COL12A1: variants seen among roughly 807,000 people sequenced by gnomAD.
COL12A1 encodes collagen alpha-1(XII) chain.
COL12A1 carries 114 observed loss-of-function variants against 349.7 expected under a neutral mutation model. The ratio of observed to expected loss-of-function variants is 0.33; its 90% CI spans 0.28 to 0.38. COL12A1 has a LOEUF of 0.38. COL12A1 is among the 10% of genes least tolerant of loss of function. The pLI is 1.00. For synonymous variants in COL12A1, 1,369 were observed against 1,329.0 expected (o/e 1.03, Z -0.66); for missense variants, 3,284 against 3,756.9 (o/e 0.87, Z 3.29).
chr6:75,138,179 A>C, intron 30 of COL12A1, 141 bp downstream of exon 30: 1 of 899,934 alleles, frequency 1.1e-6, no homozygotes. Context: ...TTTCAAGAAA[A>C]GCCTATGTAA....
chr6:75,106,900 T>TC (rs1768590381), intron 52 of COL12A1, among the ~76,000 whole-genome samples: 1 of 117,890 alleles, frequency 8.5e-6, no homozygotes, highest in Non-Finnish European at 1.8e-5. Flanking sequence ...TTTCTTTTTC[T>TC]TTTTTTTTTT....
intron 15 of COL12A1, 74 bp from the exon 16 acceptor site, chr6:75,155,928 C>A (rs555474691): frequency 2.9e-5 from 41 of 1,425,600 alleles, no homozygotes; most frequent in Non-Finnish European, 3.9e-5. Context: ...ATTAGCCCCA[C>A]AAAAATGCAT....
At position 75,177,825 on chromosome 6, in the gene COL12A1, G is replaced by T. The variant is rs141517088; in HGVS notation, c.2275C>A (p.Pro759Thr). ...TCTCTGCTCTCTCCACCAGCAACTG[G>T]TCTATATATAATTCGATATCTTAAA... ...RVLRYRIIYR[P>T]VAGGESREVT... Residue 759 changes from proline to threonine, a missense_variant, in exon 12 of 66, where the codon CCA becomes ACA. Physicochemically the swap from Pro to Thr is conservative, Grantham distance 38. This residue lies in a region of COL12A1 where 2,601 missense variants were observed against 2,824.8 expected (regional missense o/e 0.92). Coordinates refer to ENST00000322507, the MANE Select transcript of COL12A1 (RefSeq NM_004370.6). 1.2e-6 allele frequency: 2 copies of T among 1,614,026 alleles called. No individual in the cohort carries two copies. Among genetic ancestry groups the T allele is most frequent in the Admixed American group, 3.3e-5 (2 of 59,998 alleles).
chr6:75,125,588 C>T (rs1765972885), intron 39 of COL12A1, among the ~76,000 whole-genome samples: 1 of 152,154 alleles, frequency 6.6e-6, no homozygotes, highest in South Asian at 2.1e-4. Context: ...TAGTGTTTTG[C>T]ATATAGTAGG....
At position 75,145,398 on chromosome 6, in the gene COL12A1, C is replaced by T. The variant is rs1024929139; in HGVS notation, c.4618G>A (p.Glu1540Lys). The T allele has an allele frequency of 1.2e-6, 2 of 1,613,880 alleles. No individual in the cohort carries two copies. Among genetic ancestry groups the T allele is most frequent in the East Asian group, 2.2e-5 (1 of 44,868 alleles). ...MQLTDLVPNT[E>K]YAVTVQAVLH... ...ACAGCCTGGACTGTGACTGCATACT[C>T]CGTGTTGGGAACAAGGTCAGTCAGC... The change falls in exon 25 of 66, where the codon GAG becomes AAG. Residue 1540 changes from glutamate to lysine, a missense_variant. Coordinates refer to ENST00000322507, the MANE Select transcript of COL12A1 (RefSeq NM_004370.6).
In COL12A1 at chr6:75,143,240, T is replaced by C; in HGVS notation, c.4827+12A>G. ...ACAAATATTTTCATATCTACTATCA[T>C]CTTCAACCTACCTCTTTGACATCCT... is the stretch of plus-strand genomic sequence containing the variant. On this transcript the variant is annotated intron_variant, in intron 26 of 65. Transcript: ENST00000322507. The C allele has an allele frequency of 6.2e-7, 1 of 1,613,500 alleles. No homozygotes were observed. Among genetic ancestry groups the C allele is most frequent in the Non-Finnish European group, 8.5e-7 (1 of 1,179,786 alleles).
intron 2 of COL12A1, among the ~76,000 whole-genome samples, chr6:75,200,690 C>G (rs1453491565): frequency 6.6e-6 from 1 of 152,112 alleles, no homozygotes; most frequent in African/African-American, 2.4e-5. Flanking sequence ...TTCATATTGG[C>G]TCCATGATGA....
chr6:75,156,134 G>C (rs897704592), intron 15 of COL12A1, 123 bp downstream of exon 15: 10 of 1,216,646 alleles, frequency 8.2e-6, no homozygotes, highest in Non-Finnish European at 1.0e-5. Flanking sequence ...ACATTGTCTA[G>C]TAATTATAAT....
chr6:75,183,036 C>T lies in COL12A1; in HGVS notation c.1891+14G>A. 1 of 1,566,840 alleles carries T rather than the reference C, an allele frequency of 6.4e-7. No homozygotes were observed. The highest frequency in any genetic ancestry group is 1.7e-4 in the Middle Eastern group (1 of 5,804). ...TTCATGAAGAAATAACTTTTACTCT[C>T]AAAGTCTACTAACCTTTCTTCTTTA... On this transcript the variant is annotated intron_variant, in intron 10 of 65. Transcript: ENST00000322507.
intron 11 of COL12A1, among the ~76,000 whole-genome samples, chr6:75,178,397 C>T (rs1303038664): frequency 6.6e-6 from 1 of 152,182 alleles, no homozygotes; most frequent in Admixed American, 6.5e-5. Flanking sequence ...CTTATCCAGT[C>T]CGTCCCACAC....
chr6:75,119,073 T>G lies in COL12A1; in HGVS notation c.7324A>C (p.Lys2442Gln). The change falls in exon 46 of 66, where the codon AAG becomes CAG. Residue 2442 changes from lysine (K) to glutamine (Q), a missense_variant. Physicochemically the swap from Lys to Gln is moderately conservative, Grantham distance 53. Around this residue, in one of 2 missense-constraint regions of COL12A1, gnomAD observed 683 missense variants for 932.1 expected, o/e 0.73. Transcript: ENST00000322507. ...VTDGRSQDEV[K>Q]KAALVIQQSG... Reference sequence around the variant, plus strand: ...TGCTGGATGACCAAAGCCGCCTTCTTGACCTCATCCTGGGACCGACCGTCC... The same window carrying G: ...TGCTGGATGACCAAAGCCGCCTTCTGGACCTCATCCTGGGACCGACCGTCC... 2 of 1,614,016 alleles carry G rather than the reference T, an allele frequency of 1.2e-6. No homozygotes were observed. Among genetic ancestry groups the G allele is most frequent in the Non-Finnish European group, 1.7e-6 (2 of 1,179,896 alleles).
At chr6:75,096,760 G>A (rs1768051350) in intron 59 of COL12A1, among the ~76,000 whole-genome samples, 1 of 151,374 alleles carries the variant, frequency 6.6e-6, no homozygotes, top group Admixed American at 6.6e-5. Flanking sequence ...GCCGGGCGTA[G>A]TGGCGGGCGC....
chr6:75,175,205 T>C lies in COL12A1; in HGVS notation c.2543A>G (p.Tyr848Cys), dbSNP rs1768868376. Residue 848 changes from tyrosine to cysteine, a missense_variant, in exon 13 of 66, where the codon TAT (tyrosine) becomes TGT (cysteine). Physicochemically the swap from Tyr to Cys is radical, Grantham distance 194 (BLOSUM62 -2). Around this residue, in one of 2 missense-constraint regions of COL12A1, gnomAD observed 2,601 missense variants for 2,824.8 expected, o/e 0.92. Coordinates refer to ENST00000322507, the MANE Select transcript of COL12A1 (RefSeq NM_004370.6). ...PGKVKQYLVT[Y>C]TPVAGGETQE... is the part of the protein sequence containing the mutation. ...AGTTTCACCCCCTGCCACTGGGGTA[T>C]ATGTGACGAGATACTGTTTCACTTT... 2 of 1,614,170 alleles carry C rather than the reference T, an allele frequency of 1.2e-6. No homozygotes were observed. The highest frequency in any genetic ancestry group is 1.7e-6 in the Non-Finnish European group (2 of 1,180,030).
Position 75,181,155 on chromosome 6 carries a change from T to C in COL12A1, c.1948A>G (p.Thr650Ala). The C allele has an allele frequency of 6.2e-7, 1 of 1,613,786 alleles. No individual in the cohort carries two copies. The part of the protein sequence containing the change: ...FSEVTSYGFK[T>A]NWSPAGENVF... ...TTTTCTCCAGCTGGAGACCAGTTGG[T>C]TTTGAAACCATAAGAAGTCACTTCT... The change falls in exon 11 of 66, where the codon ACC (threonine) becomes GCC (alanine). Residue 650 changes from threonine to alanine, a missense_variant. Around this residue, in one of 2 missense-constraint regions of COL12A1, gnomAD observed 2,601 missense variants for 2,824.8 expected, o/e 0.92. Transcript: ENST00000322507.
At chr6:75,188,800 C>T (rs113112676) in intron 7 of COL12A1, among the ~76,000 whole-genome samples, 1 of 152,244 alleles carries the variant, frequency 6.6e-6, no homozygotes, top group South Asian at 2.1e-4. Context: ...ACCATACCAT[C>T]GTATGTCTTT....
In COL12A1 at chr6:75,121,555, A is replaced by G. The variant is rs1765732406; in HGVS notation, c.6947-114T>C. The G allele has an allele frequency of 3.2e-6, 4 of 1,250,688 alleles. No homozygotes were observed. In the African/African-American group the frequency reaches 4.5e-5, roughly 14 times the overall value. 77.5% of individuals were successfully genotyped at this position (1,250,688 alleles called of 1,614,324 possible). A position where few individuals can be genotyped will look rare whatever the true frequency, so the allele number is the denominator to read the frequency against. ...CTTGCTACGCAAAGTGTGGTTCTGC[A>G]GCAACAGCACTGCCTGGGAGCTTGT... is the stretch of plus-strand genomic sequence containing the variant. On this transcript the variant is annotated intron_variant, in intron 43 of 65. Coordinates refer to ENST00000322507, the MANE Select transcript of COL12A1 (RefSeq NM_004370.6).
At position 75,109,087 on chromosome 6, in the gene COL12A1, A is replaced by G; in HGVS notation, c.8031T>C (p.Ala2677=). 3 of 1,611,942 alleles carry G rather than the reference A, an allele frequency of 1.9e-6. No homozygotes were observed. The highest frequency in any genetic ancestry group is 1.7e-6 in the Non-Finnish European group (2 of 1,178,664). Residue 2677 remains alanine, a synonymous_variant, in exon 52 of 66, where the codon GCT becomes GCC. Transcript: ENST00000322507. ...CATAACCATCAGTTGTTATATTTCC[A>G]GCTTCCTTGATGTCTTTTTCTATAA... is the stretch of plus-strand genomic sequence containing the variant. ...YEIIEKDIKE[A]GNITTDGYEI...
chr6:75,111,157 C>G (rs751879341), intron 51 of COL12A1, among the ~76,000 whole-genome samples: 2 of 151,066 alleles, frequency 1.3e-5, no homozygotes, highest in Non-Finnish European at 3.0e-5. Flanking sequence ...TATGACATCT[C>G]AATAAAGCTG....
At chr6:75,135,278 T>C (rs961483302) in intron 31 of COL12A1, among the ~76,000 whole-genome samples, 2 of 152,238 alleles carry the variant, frequency 1.3e-5, no homozygotes, top group African/African-American at 4.8e-5. Context: ...CAGATGTTTT[T>C]ATTTGCTTTA....
Sources: allele counts gnomAD v4.1 joint callset (sites outside exome capture counted in the v4.1 genomes callset), GRCh38; gene constraint gnomAD v4.1.1; regional missense constraint gnomAD v4.1.1; transcripts MANE v1.5; gene names NCBI Gene and HGNC (gene_info 2026-07-23, HGNC 2026-07-21).